MARK1: variants seen among roughly 807,000 people sequenced by gnomAD.
MARK1 encodes the protein microtubule affinity regulating kinase 1, also known as serine/threonine-protein kinase MARK1.
MARK1 carries 40 observed loss-of-function variants against 96.3 expected under a neutral mutation model. The observed-to-expected ratio is 0.42, with a 90% confidence interval of 0.32 to 0.54. MARK1 has a LOEUF of 0.54. MARK1 is among the 20% of genes least tolerant of loss of function. MARK1 has a pLI of 0.16. For synonymous variants in MARK1, 317 were observed against 341.2 expected, an observed-to-expected ratio of 0.93 and a Z score of 0.78; for missense variants, 719 against 984.6, an observed-to-expected ratio of 0.73 and a Z score of 3.61.
chr1:220,578,289 A>T (rs1664007905), intron 1 of MARK1, among the ~76,000 whole-genome samples: 1 of 152,246 alleles, frequency 6.6e-6, no homozygotes. Context: ...ACAAAGCTAG[A>T]CAAGAGCAGG....
chr1:220,544,163 T>G (rs1440672574), intron 1 of MARK1, among the ~76,000 whole-genome samples: 1 of 152,182 alleles, frequency 6.6e-6, no homozygotes, highest in Non-Finnish European at 1.5e-5. Context: ...TCCCTTCCCT[T>G]TCCTCAAATT....
chr1:220,650,831 A>G lies in MARK1; in HGVS notation c.1571+111A>G, dbSNP rs998747862. 8 of 688,418 alleles carry G rather than the reference A, an allele frequency of 1.2e-5. No individual in the cohort carries two copies. In the African/African-American group the frequency reaches 1.5e-4, roughly 13 times the overall value. 42.6% of individuals were successfully genotyped at this position (688,418 alleles called of 1,614,324 possible). Reference sequence around the variant, plus strand: ...AGGAGAAAAGCAGTTATTACATGAAATAGTAAGATTGCAACCAACCGTTCT... The same window carrying G: ...AGGAGAAAAGCAGTTATTACATGAAGTAGTAAGATTGCAACCAACCGTTCT... On this transcript the variant is annotated intron_variant, in intron 14 of 17. Coordinates refer to ENST00000366917, the MANE Select transcript of MARK1 (RefSeq NM_018650.5).
At position 220,664,153 on chromosome 1, in the gene MARK1, C is replaced by T. The variant is rs1414714325; in HGVS notation, c.*1987C>T. ...AAAAAATAGACTCATGTGTTTTCCA[C>T]GGTAGAAACTGATATTTTTTTACAT... On this transcript the variant is annotated 3_prime_UTR_variant, in exon 18 of 18. Coordinates refer to ENST00000366917, the MANE Select transcript of MARK1 (RefSeq NM_018650.5). 1.3e-5 allele frequency: 2 copies of T among 152,062 alleles called. No individual in the cohort carries two copies. The highest frequency in any genetic ancestry group is 1.5e-5 in the Non-Finnish European group (1 of 67,994). 9.4% of individuals were successfully genotyped at this position (152,062 alleles called of 1,614,324 possible).
intron 13 of MARK1, among the ~76,000 whole-genome samples, chr1:220,646,204 A>G (rs1241494440): frequency 6.6e-6 from 1 of 152,194 alleles, no homozygotes; most frequent in East Asian, 1.9e-4. Context: ...AAGCAACTAT[A>G]TCAAAGTCTC....
intron 1 of MARK1, among the ~76,000 whole-genome samples, chr1:220,548,533 G>T (rs2102734882): frequency 6.6e-6 from 1 of 152,172 alleles, no homozygotes; most frequent in Admixed American, 6.5e-5. Flanking sequence ...TGAGGTCAGG[G>T]GTTTGAGACC....
At chr1:220,586,330 C>T (rs911580277) in intron 3 of MARK1, among the ~76,000 whole-genome samples, 2 of 152,108 alleles carry the variant, frequency 1.3e-5, no homozygotes, top group Admixed American at 6.5e-5. Context: ...CTCCCACCTT[C>T]TGGGTAAGGC....
rs749306109 is a variant in MARK1 at position 220,528,817 on chromosome 1, C to T, written c.-6C>T. On this transcript the variant is annotated 5_prime_UTR_variant, in exon 1 of 18. Coordinates refer to ENST00000366917, the MANE Select transcript of MARK1 (RefSeq NM_018650.5). The stretch of plus-strand genomic sequence containing the variant: ...GACCCCGGCCAGACCCCGCTGCCCG[C>T]ACAAAATGTCGGCCCGGACGCCATT... 4.5e-6 allele frequency: 7 copies of T among 1,555,486 alleles called. No homozygotes were observed. Among genetic ancestry groups the T allele is most frequent in the Middle Eastern group, 1.7e-4 (1 of 5,816 alleles).
intron 1 of MARK1, among the ~76,000 whole-genome samples, chr1:220,536,982 AT>A (rs1011636229): frequency 3.0e-4 from 42 of 138,662 alleles, no homozygotes; most frequent in East Asian, 8.5e-4. Context: ...ATCTATTGTT[AT>A]TTTTTTTTTT....
intron 7 of MARK1, among the ~76,000 whole-genome samples, chr1:220,616,271 C>T (rs1263998541): frequency 6.6e-6 from 1 of 152,158 alleles, no homozygotes; most frequent in Non-Finnish European, 1.5e-5. Context: ...GAACTTCGTT[C>T]CCAGCCAAAA....
intron 3 of MARK1, among the ~76,000 whole-genome samples, chr1:220,596,818 C>T (rs1388151561): frequency 6.6e-6 from 1 of 152,120 alleles, no homozygotes; most frequent in Non-Finnish European, 1.5e-5. Context: ...GAATGTTTTT[C>T]GTCTTCCAAA....
At chr1:220,653,456 A>AAC in intron 16 of MARK1, 104 bp downstream of exon 16, 3 of 1,220,340 alleles carry the variant, frequency 2.5e-6, no homozygotes, top group Non-Finnish European at 3.3e-6. Flanking sequence ...TGGTTTCATA[A>AAC]CATTTCATTA....
chr1:220,643,599 A>G (rs960729950), intron 13 of MARK1, among the ~76,000 whole-genome samples: 26 of 152,152 alleles, frequency 1.7e-4, no homozygotes, highest in Non-Finnish European at 3.4e-4. Flanking sequence ...ACTCCACAAG[A>G]TCAACCCCAA....
At chr1:220,556,897 TTAATAAATATGGAATACAGA>T (rs1416320277) in intron 1 of MARK1, among the ~76,000 whole-genome samples, 1 of 152,050 alleles carries the variant, frequency 6.6e-6, no homozygotes, top group East Asian at 1.9e-4. Flanking sequence ...TAAAGACTGG[TTAATAAATATGGAATACAGA>T]TAAGAAAGTG....
chr1:220,542,043 A>C (rs1661183781), intron 1 of MARK1, among the ~76,000 whole-genome samples: 1 of 152,110 alleles, frequency 6.6e-6, no homozygotes, highest in Admixed American at 6.5e-5. Context: ...CAGCATCTAA[A>C]ACCAGTCCCT....
At chr1:220,598,715 C>T (rs1014623584) in intron 4 of MARK1, among the ~76,000 whole-genome samples, 12 of 151,694 alleles carry the variant, frequency 7.9e-5, no homozygotes, top group Admixed American at 2.0e-4. Context: ...TCTTTCTGGC[C>T]GGGCGTGGTG....
intron 1 of MARK1, among the ~76,000 whole-genome samples, chr1:220,541,851 T>C (rs1661170300): frequency 6.6e-6 from 1 of 152,266 alleles, no homozygotes; most frequent in African/African-American, 2.4e-5. Context: ...ATTCTGTCTT[T>C]TGATTACAGT....
intron 1 of MARK1, among the ~76,000 whole-genome samples, chr1:220,532,393 CCTGA>C (rs2102685930): frequency 6.6e-6 from 1 of 152,312 alleles, no homozygotes; most frequent in Admixed American, 6.5e-5. Context: ...CATCTAATTG[CCTGA>C]CTTTGTCTCC....
intron 3 of MARK1, among the ~76,000 whole-genome samples, chr1:220,597,820 G>A (rs2102900610): frequency 6.6e-6 from 1 of 152,128 alleles, no homozygotes; most frequent in South Asian, 2.1e-4. Flanking sequence ...ATATAAATTA[G>A]TAAATGTGTT....
intron 13 of MARK1, among the ~76,000 whole-genome samples, chr1:220,649,756 A>G (rs1039317464): frequency 6.6e-6 from 1 of 152,186 alleles, no homozygotes; most frequent in African/African-American, 2.4e-5. Flanking sequence ...TGTAGCCCTC[A>G]TGATTCAACA....
Sources: gnomAD v4.1 joint callset for allele counts (sites outside exome capture counted in the v4.1 genomes callset) on GRCh38, gnomAD v4.1.1 for gene constraint, MANE v1.5 for transcripts, NCBI Gene and HGNC (gene_info 2026-07-23, HGNC 2026-07-21) for gene names.